INSL6: variants seen among roughly 807,000 people sequenced by gnomAD.
INSL6 encodes the protein insulin like 6, also known as insulin-like peptide INSL6.
In INSL6, 16 loss-of-function variants were observed where a neutral mutation model predicts 9.4. That is an observed-to-expected ratio of 1.70 (90% CI 1.15 to 2.59). The LOEUF (loss-of-function observed/expected upper bound fraction) is 2.59, where lower values mean the gene tolerates loss of function less well. Ranked by LOEUF, INSL6 falls within the 30% of genes most tolerant of loss-of-function variation. The pLI is 0.00. For synonymous variants in INSL6, 154 were observed against 96.9 expected, an observed-to-expected ratio of 1.59 and a Z score of -3.46; for missense variants, 391 against 257.3, an observed-to-expected ratio of 1.52 and a Z score of -3.56.
At chr9:5,122,367 G>A (rs1429475839), downstream of INSL6, among the ~76,000 whole-genome samples, 1 of 151,922 alleles carries the variant, frequency 6.6e-6, no homozygotes, top group Non-Finnish European at 1.5e-5. Context: ...CCCCTCTTCT[G>A]GTTAACAGGT....
At chr9:5,064,361 C>A in the INSL6 span, among the ~76,000 whole-genome samples, 1 of 152,082 alleles carries the variant, frequency 6.6e-6, no homozygotes, top group Admixed American at 6.6e-5. Flanking sequence ...GAGAACCTGT[C>A]TTTACTAAAA....
the INSL6 span, among the ~76,000 whole-genome samples, chr9:5,116,163 G>GT: frequency 6.6e-6 from 1 of 152,112 alleles, no homozygotes; most frequent in Non-Finnish European, 1.5e-5. Flanking sequence ...TGGAGAACAT[G>GT]TATGATTATT....
At chr9:5,090,813 G>A in the INSL6 span, 1 of 1,613,572 alleles carries the variant, frequency 6.2e-7, no homozygotes, top group Non-Finnish European at 8.5e-7. Context: ...TGGAGAACGA[G>A]AACAGAGTTA....
the INSL6 span, chr9:5,041,737 C>G: frequency 4.1e-6 from 2 of 492,266 alleles, no homozygotes; most frequent in Non-Finnish European, 4.0e-6. Context: ...AAGCCCTTGG[C>G]GACCCCCATC....
chr9:5,178,140 G>A (rs1825357913), intron 1 of INSL6, among the ~76,000 whole-genome samples: 1 of 152,186 alleles, frequency 6.6e-6, no homozygotes, highest in African/African-American at 2.4e-5. Flanking sequence ...CTCCCAAAGT[G>A]CCAGGATTCC....
At chr9:5,110,788 G>A in the INSL6 span, 1 of 406,478 alleles carries the variant, frequency 2.5e-6, no homozygotes, top group Non-Finnish European at 4.7e-6. Flanking sequence ...AAGGGCCCGG[G>A]CCACGCGCGA....
chr9:5,121,540 C>A (rs1488851351), downstream of INSL6, among the ~76,000 whole-genome samples: 1 of 152,134 alleles, frequency 6.6e-6, no homozygotes, highest in African/African-American at 2.4e-5. Context: ...CCCACAGAAA[C>A]TGGGAGTAAG....
the INSL6 span, among the ~76,000 whole-genome samples, chr9:5,000,593 G>A: frequency 6.6e-6 from 1 of 152,070 alleles, no homozygotes. Context: ...ACTTTTAGGA[G>A]TTTTCTTTTT....
chr9:5,126,689 T>C, intron 3 of INSL6: 1 of 1,605,456 alleles, frequency 6.2e-7, no homozygotes, highest in East Asian at 2.2e-5. Flanking sequence ...TACAGATCTA[T>C]ATGATCATGA....
At chr9:5,155,479 A>G (rs1219585975) in intron 2 of INSL6, among the ~76,000 whole-genome samples, 1 of 150,586 alleles carries the variant, frequency 6.6e-6, no homozygotes, top group Non-Finnish European at 1.5e-5. Context: ...GTATAATTTA[A>G]AAAAAAAACC....
the INSL6 span, among the ~76,000 whole-genome samples, chr9:5,003,408 C>T: frequency 6.6e-6 from 1 of 151,932 alleles, no homozygotes; most frequent in Non-Finnish European, 1.5e-5. Context: ...AAATGTTTTA[C>T]AGTTTTTATT....
At chr9:5,114,120 G>A in the INSL6 span, 1,939 of 355,686 alleles carry the variant, frequency 5.5e-3, 13 homozygotes, top group Non-Finnish European at 8.3e-3. Context: ...CACCTGCCAG[G>A]TCACCTATCA....
rs774022065 is a variant in INSL6, at chr9:5,185,347, C to A, written c.256G>T (p.Ala86Ser). Residue 86 changes from alanine to serine, a missense_variant, in exon 1 of 2, where the codon GCT becomes TCT. Transcript: ENST00000381641. ...SPYQFESPQT[A>S]SPARGRGTNP... ...GTGCCTCTTCCCCGGGCCGGGGAAGCGGTTTGCGGGCTTTCGAACTGGTAT... is the reference window on the plus strand; with the variant it reads ...GTGCCTCTTCCCCGGGCCGGGGAAGAGGTTTGCGGGCTTTCGAACTGGTAT... 1.2e-6 allele frequency: 2 copies of A among 1,614,114 alleles called. No individual in the cohort carries two copies. The highest frequency in any genetic ancestry group is 1.7e-6 in the Non-Finnish European group (2 of 1,180,016).
At chr9:5,111,319 C>T in the INSL6 span, 2 of 448,708 alleles carry the variant, frequency 4.5e-6, no homozygotes, top group Admixed American at 5.8e-5. Context: ...AGCCCCGGAC[C>T]CCTGTCCCCC....
At chr9:5,139,847 C>A (rs755193451) in intron 2 of INSL6, among the ~76,000 whole-genome samples, 2 of 152,090 alleles carry the variant, frequency 1.3e-5, no homozygotes, top group Non-Finnish European at 2.9e-5. Context: ...GTAAACAAAC[C>A]ACAAATTTTA....
chr9:4,994,182 T>G, the INSL6 span, among the ~76,000 whole-genome samples: 4 of 152,234 alleles, frequency 2.6e-5, no homozygotes, highest in Non-Finnish European at 4.4e-5. Context: ...TTTGATGATG[T>G]TTTTGTGGCC....
the INSL6 span, among the ~76,000 whole-genome samples, chr9:5,062,043 A>T: frequency 7.2e-5 from 11 of 152,186 alleles, no homozygotes; most frequent in African/African-American, 2.7e-4. Context: ...TCACCATCTT[A>T]TATAGGCCCA....
At chr9:5,134,023 A>G (rs191306951) in intron 2 of INSL6, among the ~76,000 whole-genome samples, 2 of 152,312 alleles carry the variant, frequency 1.3e-5, no homozygotes, top group African/African-American at 4.8e-5. Flanking sequence ...GAGCTAAAAA[A>G]CAGCACGAGA....
chr9:5,054,606 G>T, the INSL6 span: 1 of 1,611,230 alleles, frequency 6.2e-7, no homozygotes, highest in South Asian at 1.1e-5. The surrounding 1 kb of genome is among the most constrained non-coding windows in gnomAD (Gnocchi z 4.9). Flanking sequence ...AAAGATCCAA[G>T]ACTATCATAT....
Sources: gnomAD v4.1 joint callset for allele counts (sites outside exome capture counted in the v4.1 genomes callset) on GRCh38, gnomAD v4.1.1 for gene constraint, Gnocchi (gnomAD v3.1) non-coding constraint, MANE v1.5 for transcripts, NCBI Gene and HGNC (gene_info 2026-07-23, HGNC 2026-07-21) for gene names.